The following PACS1 variants were observed in gnomAD, a reference collection of about 807,000 sequenced individuals.
The protein encoded by PACS1 is phosphofurin acidic cluster sorting protein 1.
In PACS1, 24 loss-of-function variants were observed where a neutral mutation model predicts 115.0. The ratio of observed to expected loss-of-function variants is 0.21; its 90% CI spans 0.15 to 0.29. The LOEUF is 0.29. PACS1 is among the 10% of genes least tolerant of loss of function. The pLI is 1.00. For synonymous variants in PACS1, 453 were observed against 504.5 expected, an observed-to-expected ratio of 0.90 and a Z score of 1.37; for missense variants, 838 against 1,251.2, an observed-to-expected ratio of 0.67 and a Z score of 4.98.
At chr11:66,218,123 C>T (rs1003893069) in intron 7 of PACS1, 1 of 152,306 alleles carries the variant, frequency 6.6e-6, no homozygotes, top group East Asian at 1.9e-4. Context: ...TGTACTTGAC[C>T]TTCTGTGAAC....
At chr11:66,167,131 C>T (rs2134634179) in intron 1 of PACS1, among the ~76,000 whole-genome samples, 1 of 150,298 alleles carries the variant, frequency 6.7e-6, no homozygotes, top group African/African-American at 2.5e-5. Context: ...ATTTGCATTT[C>T]CCCGATTCCT....
At chr11:66,166,628 C>G (rs1026846652) in intron 1 of PACS1, among the ~76,000 whole-genome samples, 1 of 150,632 alleles carries the variant, frequency 6.6e-6, no homozygotes, top group Non-Finnish European at 1.5e-5. Flanking sequence ...TGATATAGTA[C>G]AATATTATAG....
chr11:66,090,524 C>G (rs1343906021), intron 1 of PACS1, among the ~76,000 whole-genome samples: 1 of 152,130 alleles, frequency 6.6e-6, no homozygotes, highest in African/African-American at 2.4e-5. Flanking sequence ...CTGCTTCAGC[C>G]TCCCAAAGTG....
intron 1 of PACS1, among the ~76,000 whole-genome samples, chr11:66,116,418 A>G (rs1858307578): frequency 6.6e-6 from 1 of 152,214 alleles, no homozygotes; most frequent in Admixed American, 6.5e-5. Context: ...TATCTTTCCT[A>G]AGGTTGTGAG....
chr11:66,216,921 C>A, intron 7 of PACS1, 146 bp downstream of exon 7: 1 of 624,374 alleles, frequency 1.6e-6, no homozygotes, highest in East Asian at 3.0e-5. Flanking sequence ...TCTATATCCT[C>A]ACCACCGCCC....
chr11:66,150,568 C>G (rs1366104651), intron 1 of PACS1, among the ~76,000 whole-genome samples: 1 of 152,048 alleles, frequency 6.6e-6, no homozygotes, highest in African/African-American at 2.4e-5. Flanking sequence ...TTTCTAAAGA[C>G]AATTAGGACT....
At chr11:66,133,841 T>A (rs1248139447) in intron 1 of PACS1, among the ~76,000 whole-genome samples, 4 of 152,202 alleles carry the variant, frequency 2.6e-5, no homozygotes, top group African/African-American at 4.8e-5. Flanking sequence ...AGCAATGCTT[T>A]CTTCTTTTTT....
chr11:66,200,048 C>CA (rs148337835), intron 2 of PACS1, among the ~76,000 whole-genome samples: 41,818 of 142,174 alleles, frequency 0.29, 6,380 homozygotes, highest in Non-Finnish European at 0.36. Flanking sequence ...CAAAACAAAA[C>CA]AAAAAAAAAA....
chr11:66,199,492 C>A (rs1040655392), intron 2 of PACS1, among the ~76,000 whole-genome samples: 2 of 150,490 alleles, frequency 1.3e-5, no homozygotes, highest in African/African-American at 4.9e-5. Context: ...TCAAAAAACC[C>A]TAAAACAGAT....
intron 1 of PACS1, among the ~76,000 whole-genome samples, chr11:66,082,307 C>T (rs1857494685): frequency 6.6e-6 from 1 of 152,070 alleles, no homozygotes; most frequent in African/African-American, 2.4e-5. Flanking sequence ...TCACTGCAGC[C>T]TCGAATTCCT....
At chr11:66,191,822 G>T (rs1299558453) in intron 1 of PACS1, among the ~76,000 whole-genome samples, 1 of 152,122 alleles carries the variant, frequency 6.6e-6, no homozygotes, top group African/African-American at 2.4e-5. Flanking sequence ...TCAGGAGTTC[G>T]AGACCAGCCT....
intron 1 of PACS1, among the ~76,000 whole-genome samples, chr11:66,122,366 T>C (rs1018393885): frequency 6.6e-6 from 1 of 152,222 alleles, no homozygotes; most frequent in African/African-American, 2.4e-5. Context: ...AAGAAATTAA[T>C]GTTGTTTTCA....
At chr11:66,128,743 G>A (rs184955198) in intron 1 of PACS1, among the ~76,000 whole-genome samples, 14 of 152,092 alleles carry the variant, frequency 9.2e-5, no homozygotes, top group African/African-American at 3.4e-4. Context: ...AATTAGCCAG[G>A]CGTAGTGACA....
chr11:66,240,511 G>A (rs777959474), intron 21 of PACS1, among the ~76,000 whole-genome samples: 1 of 152,118 alleles, frequency 6.6e-6, no homozygotes, highest in Non-Finnish European at 1.5e-5. Context: ...TGGGTGGCAC[G>A]AAGCCTGCCC....
Position 66,070,897 on chromosome 11 carries a change from C to G in PACS1, c.356+55C>G. On this transcript the variant is annotated intron_variant, in intron 1 of 23. Coordinates refer to ENST00000320580, the MANE Select transcript of PACS1 (RefSeq NM_018026.4). This position sits in a 1 kb window ranked among gnomAD's most constrained non-coding sequence, Gnocchi z 5.9. The stretch of plus-strand genomic sequence containing the variant: ...GGGGGAGCGGGGTGGCCGCCGGGGC[C>G]CAGCCCTCCCCGCCCCAGCGCCCAT... 6.6e-6 allele frequency: 9 copies of G among 1,372,128 alleles called. No individual in the cohort carries two copies. The highest frequency in any genetic ancestry group is 8.4e-6 in the Non-Finnish European group (9 of 1,070,352). The allele number at this position is 1,372,128 out of a possible 1,614,324, so 85.0% of individuals were successfully genotyped here. A position where few individuals can be genotyped will look rare whatever the true frequency, so the allele number is the denominator to read the frequency against.
intron 8 of PACS1, 197 bp from the exon 9 acceptor site, chr11:66,220,434 G>A: frequency 1.7e-6 from 1 of 583,334 alleles, no homozygotes. Flanking sequence ...GCAGGAACTG[G>A]GGGGAAGGTG....
chr11:66,091,432 C>T (rs895017388), intron 1 of PACS1, among the ~76,000 whole-genome samples: 2 of 151,992 alleles, frequency 1.3e-5, no homozygotes. Flanking sequence ...TGAGCCACCA[C>T]GCCCAGCCTG....
At chr11:66,211,382 GT>G in intron 4 of PACS1, 123 bp downstream of exon 4, 1 of 888,680 alleles carries the variant, frequency 1.1e-6, no homozygotes, top group African/African-American at 1.7e-5. Context: ...GCTTAATTCT[GT>G]TTTACGAGTT....
In PACS1 at chr11:66,091,297, C is replaced by T. The variant is rs534921571; in HGVS notation, c.356+20455C>T. Among the ~76,000 whole-genome samples, 4 of 145,060 alleles carry T rather than the reference C, an allele frequency of 2.8e-5. No homozygotes were observed. In the East Asian group the frequency reaches 8.3e-4, roughly 30 times the overall value. ...CTAGGATTACAGGTGTGTGCCACCA[C>T]ACCAAGCTAATTTTTGTATTTTTAG... On this transcript the variant is annotated intron_variant, in intron 1 of 23. Transcript: ENST00000320580.
Sources: allele counts gnomAD v4.1 joint callset (sites outside exome capture counted in the v4.1 genomes callset), GRCh38; gene constraint gnomAD v4.1.1; non-coding constraint Gnocchi (gnomAD v3.1); transcripts MANE v1.5; gene names NCBI Gene and HGNC (gene_info 2026-07-23, HGNC 2026-07-21).